TTBK1: variants seen among roughly 807,000 people sequenced by gnomAD.
TTBK1 encodes the protein tau tubulin kinase 1.
In TTBK1, 34 loss-of-function variants were observed where a neutral mutation model predicts 108.5. That is an observed-to-expected ratio of 0.31 (90% CI 0.24 to 0.42). The LOEUF (loss-of-function observed/expected upper bound fraction) is 0.42. Among genes scored for constraint, TTBK1 ranks in the 10% least tolerant of loss-of-function variants. The pLI is 1.00. For missense variants in TTBK1, 1,539 were observed against 1,826.0 expected, an observed-to-expected ratio of 0.84 and a Z score of 2.86; for synonymous variants, 809 against 795.1, an observed-to-expected ratio of 1.02 and a Z score of -0.29.
Position 43,285,158 on chromosome 6 carries a change from C to T in TTBK1, c.3748C>T (p.Arg1250Trp), listed in dbSNP as rs773192425. 1.6e-5 allele frequency: 22 copies of T among 1,419,252 alleles called. 1 individual carries two copies. The South Asian group carries it at 1.8e-4, about 12-fold the overall frequency. 87.9% of individuals were successfully genotyped at this position (1,419,252 alleles called of 1,614,324 possible). The change falls in exon 15 of 15, where the codon CGG becomes TGG. Residue 1250 changes from arginine (R) to tryptophan (W), a missense_variant. Around this residue, in one of 5 missense-constraint regions of TTBK1, gnomAD observed 1,055 missense variants for 1,086.5 expected, o/e 0.97. Coordinates refer to ENST00000259750, the MANE Select transcript of TTBK1 (RefSeq NM_032538.3). The surrounding 1 kb of genome is among the most constrained non-coding windows in gnomAD (Gnocchi z 4.7). ...SAARNASASP[R>W]SQSLSRRESP... is the part of the protein sequence containing the mutation. ...CGCGCGCAATGCCAGCGCGTCCCCC[C>T]GGAGCCAGTCCCTGTCCCGCAGAGA...
At chr6:43,254,724 C>T (rs1257899115) in intron 6 of TTBK1, 73 bp downstream of exon 6, 3 of 1,388,186 alleles carry the variant, frequency 2.2e-6, no homozygotes, top group Middle Eastern at 1.9e-4. Flanking sequence ...CCTTCACCCA[C>T]TTTTCTTACA....
In TTBK1 at chr6:43,257,908, T is replaced by C. The variant is rs758034405; in HGVS notation, c.958T>C (p.Ser320Pro). 1.9e-6 allele frequency: 3 copies of C among 1,613,850 alleles called. No individual in the cohort carries two copies. Among genetic ancestry groups the C allele is most frequent in the African/African-American group, 2.7e-5 (2 of 74,934 alleles). ...GAAGGCAGGCACCGATGCCCTCCTGTCCACGAGCACCTCTACCCCGCCCCA... is the reference window on the plus strand; with the variant it reads ...GAAGGCAGGCACCGATGCCCTCCTGCCCACGAGCACCTCTACCCCGCCCCA... ...WEKAGTDALL[S>P]TSTSTPPQQN... is the part of the protein sequence containing the mutation. Residue 320 changes from serine to proline, a missense_variant, in exon 10 of 15, where the codon TCC (serine) becomes CCC (proline). By Grantham distance (74) the Ser-to-Pro change is moderately conservative. Transcript: ENST00000259750. The surrounding 1 kb of genome is among the most constrained non-coding windows in gnomAD (Gnocchi z 4.5).
intron 1 of TTBK1, among the ~76,000 whole-genome samples, chr6:43,245,827 C>T (rs1005477984): frequency 6.6e-6 from 1 of 152,162 alleles, no homozygotes; most frequent in Non-Finnish European, 1.5e-5. Flanking sequence ...ACTTCTCCTG[C>T]CTCCTGCTAG....
At position 43,253,699 on chromosome 6, in the gene TTBK1, C is replaced by T. The variant is rs951617936; in HGVS notation, c.462C>T (p.Asp154=). 9.9e-6 allele frequency: 16 copies of T among 1,612,758 alleles called. No homozygotes were observed. In the Admixed American group the frequency reaches 2.3e-4, roughly 24 times the overall value. The part of the protein sequence containing the change: ...AIHSVGFLHR[D]IKPSNFAMGR... ...ACTCTGTGGGCTTCCTGCACCGTGA[C>T]ATCAAGCCTGTGAGTACTGCCCCCA... Residue 154 remains aspartate (D), a synonymous_variant, in exon 5 of 15, where the codon GAC becomes GAT. Coordinates refer to ENST00000259750, the MANE Select transcript of TTBK1 (RefSeq NM_032538.3). This position sits in a 1 kb window ranked among gnomAD's most constrained non-coding sequence, Gnocchi z 5.8.
intron 12 of TTBK1, among the ~76,000 whole-genome samples, chr6:43,261,708 A>G (rs937919013): frequency 2.0e-5 from 3 of 150,604 alleles, no homozygotes; most frequent in African/African-American, 7.3e-5. Context: ...GCAGCTACTC[A>G]GGAGGCTGAG....
Position 43,263,188 on chromosome 6 carries a change from G to A in TTBK1, c.1824G>A (p.Leu608=). 1.3e-6 allele frequency: 2 copies of A among 1,580,914 alleles called. No homozygotes were observed. Among genetic ancestry groups the A allele is most frequent in the South Asian group, 1.2e-5 (1 of 86,830 alleles). Residue 608 remains leucine, a synonymous_variant, in exon 13 of 15, where the codon CTG becomes CTA. Transcript: ENST00000259750. The surrounding 1 kb of genome is among the most constrained non-coding windows in gnomAD (Gnocchi z 4.7). The part of the protein sequence containing the change: ...RSMQALAEED[L]QHLPPQPLPP... ...TGCAGGCGCTGGCGGAGGAGGACCT[G>A]CAGCATTTGCCGCCCCAGCCCCTGC...
chr6:43,259,747 T>C lies in TTBK1; in HGVS notation c.1424+41T>C, dbSNP rs1420457612. 1 of 1,491,938 alleles carries C rather than the reference T, an allele frequency of 6.7e-7. No homozygotes were observed. Among genetic ancestry groups the C allele is most frequent in the Admixed American group, 2.4e-5 (1 of 42,030 alleles). The allele number at this position is 1,491,938 out of a possible 1,614,324, so 92.4% of individuals were successfully genotyped here. A position where few individuals can be genotyped will look rare whatever the true frequency, so the allele number is the denominator to read the frequency against. On this transcript the variant is annotated intron_variant, in intron 12 of 14. Transcript: ENST00000259750. This position sits in a 1 kb window ranked among gnomAD's most constrained non-coding sequence, Gnocchi z 6.7. ...GGGGCATGGTTGGGGCCCAAGGCCC[T>C]CTCCGCCTTCACGTGGCTGGTCTGG...
chr6:43,269,965 C>A lies in TTBK1; in HGVS notation c.1986+6615C>A, dbSNP rs373348041. 137 of 1,433,836 alleles carry A rather than the reference C, an allele frequency of 9.6e-5. 1 individual carries two copies. The highest frequency in any genetic ancestry group is 5.6e-4 in the East Asian group (22 of 39,014). The allele number at this position is 1,433,836 out of a possible 1,614,324, so 88.8% of individuals were successfully genotyped here. A position where few individuals can be genotyped will look rare whatever the true frequency, so the allele number is the denominator to read the frequency against. ...CACAAGACCTAGGCTGGGCCCCCCC[C>A]CTCCTGGAGGGGGCAGGTGGGGGGG... On this transcript the variant is annotated intron_variant, in intron 13 of 14. Transcript: ENST00000259750. The surrounding 1 kb of genome is among the most constrained non-coding windows in gnomAD (Gnocchi z 4.8).
In TTBK1 at chr6:43,259,751, C is replaced by T. The variant is rs771162032; in HGVS notation, c.1424+45C>T. 74 of 1,484,292 alleles carry T rather than the reference C, an allele frequency of 5.0e-5. No homozygotes were observed. Among genetic ancestry groups the T allele is most frequent in the African/African-American group, 3.3e-4 (23 of 70,712 alleles). 91.9% of individuals were successfully genotyped at this position (1,484,292 alleles called of 1,614,324 possible). ...CATGGTTGGGGCCCAAGGCCCTCTC[C>T]GCCTTCACGTGGCTGGTCTGGAGGA... On this transcript the variant is annotated intron_variant, in intron 12 of 14. Transcript: ENST00000259750. This position sits in a 1 kb window ranked among gnomAD's most constrained non-coding sequence, Gnocchi z 6.7.
intron 5 of TTBK1, among the ~76,000 whole-genome samples, chr6:43,254,320 C>T (rs938461752): frequency 6.6e-6 from 1 of 152,380 alleles, no homozygotes; most frequent in Middle Eastern, 3.4e-3. Flanking sequence ...GCTTCCTAAG[C>T]TCTTTGACCT....
intron 13 of TTBK1, among the ~76,000 whole-genome samples, chr6:43,278,576 C>G (rs1582516222): frequency 6.6e-6 from 1 of 152,272 alleles, no homozygotes; most frequent in East Asian, 1.9e-4. Flanking sequence ...CAAGCCAGGC[C>G]TGGGAACCAC....
intron 2 of TTBK1, among the ~76,000 whole-genome samples, chr6:43,249,005 C>T (rs973451086): frequency 6.6e-6 from 1 of 152,066 alleles, no homozygotes; most frequent in African/African-American, 2.4e-5. Context: ...ATTTATTAAT[C>T]CCATTTCACA....
In TTBK1 at chr6:43,276,691, C is replaced by T. The variant is rs181988629; in HGVS notation, c.1987-6036C>T. ...TGCGCCTCCGCCTGCTTTCTTTCAC[C>T]CTCCCCCTTCCTTTCCCAGCTCTCA... On this transcript the variant is annotated intron_variant, in intron 13 of 14. Coordinates refer to ENST00000259750, the MANE Select transcript of TTBK1 (RefSeq NM_032538.3). The surrounding 1 kb of genome is among the most constrained non-coding windows in gnomAD (Gnocchi z 5.4). Among the ~76,000 whole-genome samples the T allele has an allele frequency of 6.6e-6, 1 of 152,368 alleles. No homozygotes were observed. Among genetic ancestry groups the T allele is most frequent in the Admixed American group, 6.5e-5 (1 of 15,310 alleles).
In TTBK1 at chr6:43,259,793, C is replaced by T. The variant is rs953083243; in HGVS notation, c.1424+87C>T. 58 of 1,341,788 alleles carry T rather than the reference C, an allele frequency of 4.3e-5. No individual in the cohort carries two copies. The highest frequency in any genetic ancestry group is 1.9e-4 in the South Asian group (12 of 64,118). The allele number at this position is 1,341,788 out of a possible 1,614,324, so 83.1% of individuals were successfully genotyped here. ...TCTGGAGGAAAAGTTAGATGTGTGG[C>T]GGAGGTGGGCAGACCCTGGGAAGTG... On this transcript the variant is annotated intron_variant, in intron 12 of 14. Transcript: ENST00000259750. The surrounding 1 kb of genome is among the most constrained non-coding windows in gnomAD (Gnocchi z 6.7).
intron 13 of TTBK1, among the ~76,000 whole-genome samples, chr6:43,280,835 G>C (rs1233202765): frequency 6.6e-6 from 1 of 152,088 alleles, no homozygotes; most frequent in Non-Finnish European, 1.5e-5. Flanking sequence ...GTTTGAGCTG[G>C]TCTTGAAGGA....
chr6:43,244,938 T>C (rs1777049026), intron 1 of TTBK1, among the ~76,000 whole-genome samples: 2 of 152,184 alleles, frequency 1.3e-5, no homozygotes, highest in Admixed American at 1.3e-4. Context: ...ATGCCCCATA[T>C]CCCACTTTGG....
At chr6:43,258,975 G>A (rs1777449409) in intron 10 of TTBK1, 63 bp from the exon 11 acceptor site, 2 of 1,286,918 alleles carry the variant, frequency 1.6e-6, no homozygotes, top group Non-Finnish European at 2.2e-6. Context: ...TGGTAGGAGA[G>A]GGCCATGGAA....
rs1454109661 is a variant in TTBK1 at position 43,257,741 on chromosome 6, G to A, written c.862-71G>A. ...TCCCTGTCTTCCTCCTATGATCCCAGCAACTGCCCCTTCCTCCTGGCTAGC... is the reference window on the plus strand; with the variant it reads ...TCCCTGTCTTCCTCCTATGATCCCAACAACTGCCCCTTCCTCCTGGCTAGC... On this transcript the variant is annotated intron_variant, in intron 9 of 14. Transcript: ENST00000259750. The surrounding 1 kb of genome is among the most constrained non-coding windows in gnomAD (Gnocchi z 4.5). The A allele has an allele frequency of 4.0e-6, 6 of 1,518,516 alleles. No homozygotes were observed. Among genetic ancestry groups the A allele is most frequent in the Non-Finnish European group, 4.5e-6 (5 of 1,114,456 alleles). 94.1% of individuals were successfully genotyped at this position (1,518,516 alleles called of 1,614,324 possible).
rs949398604 is a variant in TTBK1 at position 43,269,988 on chromosome 6, G to A, written c.1986+6638G>A. Reference sequence around the variant, plus strand: ...CCCCTCCTGGAGGGGGCAGGTGGGGGGGGGTGGGGAGCAGGCAGAGGACCA... The same window carrying A: ...CCCCTCCTGGAGGGGGCAGGTGGGGAGGGGTGGGGAGCAGGCAGAGGACCA... On this transcript the variant is annotated intron_variant, in intron 13 of 14. Transcript: ENST00000259750. This position sits in a 1 kb window ranked among gnomAD's most constrained non-coding sequence, Gnocchi z 4.8. The A allele has an allele frequency of 1.5e-5, 22 of 1,429,658 alleles. No individual in the cohort carries two copies. Among genetic ancestry groups the A allele is most frequent in the Non-Finnish European group, 1.9e-5 (21 of 1,096,580 alleles). 88.6% of individuals were successfully genotyped at this position (1,429,658 alleles called of 1,614,324 possible).
Sources: gnomAD v4.1 joint callset for allele counts (sites outside exome capture counted in the v4.1 genomes callset) on GRCh38, gnomAD v4.1.1 for gene constraint, gnomAD v4.1.1 regional missense constraint, Gnocchi (gnomAD v3.1) non-coding constraint, MANE v1.5 for transcripts, NCBI Gene and HGNC (gene_info 2026-07-23, HGNC 2026-07-21) for gene names.